The following PHACTR1 variants were observed in gnomAD, a reference collection of about 807,000 sequenced individuals.
PHACTR1 encodes the protein phosphatase and actin regulator 1.
Under a neutral mutation model 69.2 loss-of-function variants are expected in PHACTR1, and 16 were observed. The observed-to-expected ratio is 0.23, with a 90% CI of 0.16 to 0.35. The LOEUF (loss-of-function observed/expected upper bound fraction) is 0.35. PHACTR1 is among the 10% of genes least tolerant of loss of function. The probability of loss-of-function intolerance (pLI) is 1.00; values close to 1 mark genes in which losing one functional copy is unlikely to be tolerated. For missense variants in PHACTR1, 510 were observed against 734.7 expected, an observed-to-expected ratio of 0.69 and a Z score of 3.54; for synonymous variants, 312 against 284.5, an observed-to-expected ratio of 1.10 and a Z score of -0.97.
intron 4 of PHACTR1, among the ~76,000 whole-genome samples, chr6:12,840,140 C>T (rs1778551097): frequency 6.6e-6 from 1 of 152,158 alleles, no homozygotes; most frequent in South Asian, 2.1e-4. Flanking sequence ...GGATATTTTT[C>T]ATCCCCCTCC....
chr6:12,718,095 A>G (rs758564929), intron 2 of PHACTR1, among the ~76,000 whole-genome samples: 8 of 152,216 alleles, frequency 5.3e-5, no homozygotes, highest in Non-Finnish European at 1.0e-4. Flanking sequence ...ACAAACCACA[A>G]TTGTTTCTCA....
intron 4 of PHACTR1, among the ~76,000 whole-genome samples, chr6:12,884,727 A>G (rs1783465781): frequency 6.6e-6 from 1 of 152,058 alleles, no homozygotes; most frequent in Non-Finnish European, 1.5e-5. Context: ...CGTCAAAATC[A>G]TGGCAGGCAT....
rs1761944416 is a variant in PHACTR1, at chr6:13,179,741, T to TAGAC, written c.497-2775_497-2774insCAGA. On this transcript the variant is annotated intron_variant, in intron 6 of 14. Coordinates refer to ENST00000332995, the MANE Select transcript of PHACTR1 (RefSeq NM_030948.6). The surrounding 1 kb of genome is among the most constrained non-coding windows in gnomAD (Gnocchi z 4.2). Reference sequence around the variant, plus strand: ...ATAGATAGATAGATAGATAGATAGATAGATAGACAGAACAAGGTTATCAAT... The same window carrying TAGAC: ...ATAGATAGATAGATAGATAGATAGATAGACAGATAGACAGAACAAGGTTATCAAT... 1.7e-5 allele frequency among the ~76,000 whole-genome samples: 2 copies of TAGAC among 117,136 alleles called. No individual in the cohort carries two copies. The highest frequency in any genetic ancestry group is 5.7e-5 in the African/African-American group (2 of 34,942). The allele number at this position is 117,136 out of a possible 152,430, so 76.8% of individuals were successfully genotyped here.
chr6:12,960,110 T>G (rs1209870213), intron 4 of PHACTR1, among the ~76,000 whole-genome samples: 2 of 152,230 alleles, frequency 1.3e-5, no homozygotes, highest in Non-Finnish European at 2.9e-5. Context: ...ACCTTTTCAG[T>G]GAGTGACATT....
intron 4 of PHACTR1, among the ~76,000 whole-genome samples, chr6:12,917,839 C>T (rs1326453436): frequency 6.6e-6 from 1 of 152,128 alleles, no homozygotes; most frequent in Non-Finnish European, 1.5e-5. Context: ...TCAATACTGA[C>T]TCTCACTGAG....
At chr6:13,127,866 T>G (rs913600036) in intron 5 of PHACTR1, among the ~76,000 whole-genome samples, 2 of 152,078 alleles carry the variant, frequency 1.3e-5, no homozygotes, top group Non-Finnish European at 2.9e-5. Flanking sequence ...CACGCAGCTA[T>G]AAAGGACTGC....
intron 4 of PHACTR1, among the ~76,000 whole-genome samples, chr6:12,973,889 T>C (rs1794531122): frequency 6.6e-6 from 1 of 150,648 alleles, no homozygotes; most frequent in Non-Finnish European, 1.5e-5. Context: ...CAAACAAACA[T>C]ATACATTAGG....
intron 4 of PHACTR1, among the ~76,000 whole-genome samples, chr6:12,807,801 T>A (rs28420628): frequency 0.013 from 2,011 of 152,330 alleles, 49 homozygotes; most frequent in African/African-American, 0.046. Flanking sequence ...CATCCATTCT[T>A]GTATTTGTTA....
Position 12,835,040 on chromosome 6 carries a change from G to T in PHACTR1, c.250+85250G>T, listed in dbSNP as rs1209326662. ...AAAAAGGGAGCAATGAGCTTAGGAT[G>T]AAAAGCTAGAGAAGAGGTAAGAGTT... On this transcript the variant is annotated intron_variant, in intron 4 of 14. Transcript: ENST00000332995. Among the ~76,000 whole-genome samples the T allele has an allele frequency of 2.0e-5, 3 of 152,164 alleles. 1 individual carries two copies. Among genetic ancestry groups the T allele is most frequent in the Non-Finnish European group, 4.4e-5 (3 of 68,030 alleles).
intron 4 of PHACTR1, among the ~76,000 whole-genome samples, chr6:12,994,538 AAC>A (rs1325540961): frequency 5.3e-5 from 8 of 152,198 alleles, no homozygotes; most frequent in Non-Finnish European, 1.0e-4. Context: ...AAGTTGTTTA[AAC>A]TAGGAAGTGT....
chr6:12,969,025 T>C (rs1793846241), intron 4 of PHACTR1, among the ~76,000 whole-genome samples: 1 of 152,204 alleles, frequency 6.6e-6, no homozygotes, highest in Non-Finnish European at 1.5e-5. Flanking sequence ...TCCCAGGTGA[T>C]GGTAATGCTG....
intron 4 of PHACTR1, among the ~76,000 whole-genome samples, chr6:12,847,632 A>G (rs1447776517): frequency 6.6e-6 from 1 of 152,136 alleles, no homozygotes; most frequent in African/African-American, 2.4e-5. Context: ...CCTCAATGAG[A>G]ACAGCAGCTT....
At chr6:12,965,741 G>A (rs545368357) in intron 4 of PHACTR1, among the ~76,000 whole-genome samples, 6 of 152,248 alleles carry the variant, frequency 3.9e-5, no homozygotes, top group East Asian at 3.9e-4. Flanking sequence ...ACGTGCTCAC[G>A]GAGACGTCAC....
intron 4 of PHACTR1, among the ~76,000 whole-genome samples, chr6:12,835,404 G>C (rs746939914): frequency 6.6e-6 from 1 of 152,174 alleles, no homozygotes; most frequent in East Asian, 1.9e-4. Context: ...GTTGCAGTAC[G>C]ACAGGCCTGA....
At chr6:13,203,044 T>C (rs1274035374) in intron 7 of PHACTR1, among the ~76,000 whole-genome samples, 1 of 152,228 alleles carries the variant, frequency 6.6e-6, no homozygotes, top group African/African-American at 2.4e-5. Context: ...ATGATTAGAA[T>C]TTTCTGTGTC....
intron 5 of PHACTR1, among the ~76,000 whole-genome samples, chr6:13,117,796 C>G (rs1442929481): frequency 6.6e-6 from 1 of 152,140 alleles, no homozygotes; most frequent in Non-Finnish European, 1.5e-5. Flanking sequence ...ATCCATCATC[C>G]CCTGGCGATT....
chr6:12,731,801 G>A lies in PHACTR1; in HGVS notation c.103+12954G>A, dbSNP rs111852628. Among the ~76,000 whole-genome samples the A allele has an allele frequency of 2.5e-3, 377 of 152,190 alleles. 5 individuals carry two copies. The highest frequency in any genetic ancestry group is 8.1e-3 in the African/African-American group (335 of 41,518). On this transcript the variant is annotated intron_variant, in intron 3 of 14. Coordinates refer to ENST00000332995, the MANE Select transcript of PHACTR1 (RefSeq NM_030948.6). ...ACTGGTGGTCCTATGTTATCTTGGCGACCATGGAAATACGAGCAAAGACAT... is the reference window on the plus strand; with the variant it reads ...ACTGGTGGTCCTATGTTATCTTGGCAACCATGGAAATACGAGCAAAGACAT...
chr6:12,881,071 C>G (rs73726207), intron 4 of PHACTR1, among the ~76,000 whole-genome samples: 1 of 152,148 alleles, frequency 6.6e-6, no homozygotes, highest in African/African-American at 2.4e-5. Context: ...GTGTAAAGTA[C>G]GAAGCACAGT....
At chr6:13,005,290 A>T (rs560837269) in intron 4 of PHACTR1, among the ~76,000 whole-genome samples, 1 of 152,068 alleles carries the variant, frequency 6.6e-6, no homozygotes, top group Admixed American at 6.5e-5. Context: ...GAGTATATAC[A>T]TATACTGTCT....
Sources: gnomAD v4.1 joint callset for allele counts (sites outside exome capture counted in the v4.1 genomes callset) on GRCh38, gnomAD v4.1.1 for gene constraint, Gnocchi (gnomAD v3.1) non-coding constraint, MANE v1.5 for transcripts, NCBI Gene and HGNC (gene_info 2026-07-23, HGNC 2026-07-21) for gene names.